RBPMS: variants seen among roughly 807,000 people sequenced by gnomAD.
The protein encoded by RBPMS is RNA binding protein, mRNA processing factor, also known as RNA-binding protein with multiple splicing.
A neutral mutation model predicts 26.8 loss-of-function variants in RBPMS; 7 were observed. The ratio of observed to expected loss-of-function variants is 0.26; its 90% confidence interval spans 0.15 to 0.49. RBPMS has a LOEUF of 0.49. Among genes scored for constraint, RBPMS ranks in the 20% least tolerant of loss-of-function variants. RBPMS has a pLI of 0.98. For synonymous variants in RBPMS, 96 were observed against 93.3 expected (o/e 1.03, Z -0.17); for missense variants, 186 against 250.0 (o/e 0.74, Z 1.73).
chr8:30,425,138 G>A (rs1191754538), intron 1 of RBPMS, among the ~76,000 whole-genome samples: 1 of 151,878 alleles, frequency 6.6e-6, no homozygotes, highest in Admixed American at 6.6e-5. Context: ...TGTAGTTTTT[G>A]TAGCGACAAA....
intron 5 of RBPMS, among the ~76,000 whole-genome samples, chr8:30,506,007 T>G (rs1821037069): frequency 6.6e-6 from 1 of 152,186 alleles, no homozygotes; most frequent in Non-Finnish European, 1.5e-5. Flanking sequence ...GATACTTAAC[T>G]TTACCTTTTC....
chr8:30,499,359 T>G (rs1364483590), intron 4 of RBPMS, among the ~76,000 whole-genome samples: 1 of 152,188 alleles, frequency 6.6e-6, no homozygotes, highest in Non-Finnish European at 1.5e-5. Context: ...TATTAATAGG[T>G]GTTAAAACTA....
At chr8:30,494,246 T>C (rs1819696516) in intron 4 of RBPMS, among the ~76,000 whole-genome samples, 1 of 152,230 alleles carries the variant, frequency 6.6e-6, no homozygotes, top group South Asian at 2.1e-4. Flanking sequence ...TGCTGCTTTC[T>C]CCCAATTGGG....
intron 1 of RBPMS, among the ~76,000 whole-genome samples, chr8:30,388,545 A>C (rs1223439191): frequency 1.4e-5 from 1 of 69,514 alleles, no homozygotes; most frequent in African/African-American, 5.9e-5. Flanking sequence ...AGCTATAGCT[A>C]TAAGCTAACT....
At chr8:30,487,251 A>G (rs1037260258) in intron 4 of RBPMS, among the ~76,000 whole-genome samples, 6 of 152,166 alleles carry the variant, frequency 3.9e-5, no homozygotes, top group Non-Finnish European at 8.8e-5. Context: ...TTTTACTTTT[A>G]GTGAATGATC....
At chr8:30,497,437 G>C (rs200034214) in intron 4 of RBPMS, among the ~76,000 whole-genome samples, 6 of 152,102 alleles carry the variant, frequency 3.9e-5, no homozygotes, top group African/African-American at 1.4e-4. Context: ...CCAGCTACTC[G>C]GGAGGCTGAG....
chr8:30,515,441 T>A (rs1822203859), intron 5 of RBPMS, among the ~76,000 whole-genome samples: 1 of 152,184 alleles, frequency 6.6e-6, no homozygotes, highest in African/African-American at 2.4e-5. Context: ...TTTGACCAGC[T>A]AGATGCATGT....
intron 1 of RBPMS, among the ~76,000 whole-genome samples, chr8:30,424,188 T>G (rs1811109477): frequency 6.6e-6 from 1 of 152,192 alleles, no homozygotes; most frequent in Admixed American, 6.5e-5. Context: ...CAGCCAGTGT[T>G]AGGTTTGACA....
At chr8:30,509,543 C>G (rs1041288168) in intron 5 of RBPMS, among the ~76,000 whole-genome samples, 16 of 152,226 alleles carry the variant, frequency 1.1e-4, no homozygotes, top group Admixed American at 6.5e-4. Context: ...TCTTAACATT[C>G]ATCTCTGCGG....
At chr8:30,514,680 C>CTT (rs577244764) in intron 5 of RBPMS, among the ~76,000 whole-genome samples, 1,508 of 82,488 alleles carry the variant, frequency 0.018, 169 homozygotes, top group African/African-American at 0.064. Flanking sequence ...CCATGCCGGG[C>CTT]TTTTTTTTTT....
chr8:30,545,414 T>C (rs2151050998), intron 6 of RBPMS: 1 of 1,043,092 alleles, frequency 9.6e-7, no homozygotes, highest in Non-Finnish European at 1.2e-6. Flanking sequence ...CCTCTGGAGA[T>C]CACCACTCAT....
At chr8:30,447,799 A>C (rs77825903) in intron 1 of RBPMS, among the ~76,000 whole-genome samples, 1 of 152,188 alleles carries the variant, frequency 6.6e-6, no homozygotes, top group African/African-American at 2.4e-5. Flanking sequence ...CTTAGACTTT[A>C]TATCAGTAAT....
intron 1 of RBPMS, among the ~76,000 whole-genome samples, chr8:30,456,159 A>G (rs906333879): frequency 2.0e-5 from 3 of 152,138 alleles, no homozygotes; most frequent in African/African-American, 7.2e-5. Context: ...TGTGTATGTT[A>G]TATATTTATC....
At chr8:30,550,980 C>T (rs1036461780) in intron 6 of RBPMS, among the ~76,000 whole-genome samples, 3 of 152,240 alleles carry the variant, frequency 2.0e-5, no homozygotes, top group African/African-American at 7.2e-5. Flanking sequence ...CAGCCCATTC[C>T]TCCCTGGACT....
intron 6 of RBPMS, among the ~76,000 whole-genome samples, chr8:30,554,958 G>C (rs1341803172): frequency 6.6e-6 from 1 of 152,176 alleles, no homozygotes; most frequent in Non-Finnish European, 1.5e-5. Context: ...CACTGCAGAA[G>C]GGTTGGTACT....
chr8:30,468,662 C>T (rs1476661923), intron 1 of RBPMS, among the ~76,000 whole-genome samples: 1 of 152,162 alleles, frequency 6.6e-6, no homozygotes, highest in African/African-American at 2.4e-5. Context: ...AACATACACT[C>T]TGTGCCTAGG....
intron 1 of RBPMS, among the ~76,000 whole-genome samples, chr8:30,386,300 A>G (rs1772332606): frequency 6.6e-6 from 1 of 152,206 alleles, no homozygotes; most frequent in Admixed American, 6.5e-5. Flanking sequence ...GGAATTCATT[A>G]ATACATACAA....
intron 6 of RBPMS, among the ~76,000 whole-genome samples, chr8:30,555,438 C>T (rs1381459143): frequency 3.9e-5 from 6 of 152,144 alleles, no homozygotes; most frequent in Non-Finnish European, 7.3e-5. Context: ...CGGTCTCTGA[C>T]GCAGACTAAA....
chr8:30,442,331 T>G (rs1251254996), intron 1 of RBPMS, among the ~76,000 whole-genome samples: 1 of 152,182 alleles, frequency 6.6e-6, no homozygotes, highest in Non-Finnish European at 1.5e-5. Flanking sequence ...TCTCCTTCCC[T>G]GCCTCACCAA....
Sources: allele counts gnomAD v4.1 joint callset (sites outside exome capture counted in the v4.1 genomes callset), GRCh38; gene constraint gnomAD v4.1.1; transcripts MANE v1.5; gene names NCBI Gene and HGNC (gene_info 2026-07-23, HGNC 2026-07-21).